SARDH: variants seen among roughly 807,000 people sequenced by gnomAD.
The protein encoded by SARDH is sarcosine dehydrogenase.
SARDH carries 95 observed loss-of-function variants against 109.1 expected under a neutral mutation model. That is an observed-to-expected ratio of 0.87 (90% CI 0.74 to 1.03). The LOEUF (loss-of-function observed/expected upper bound fraction) is 1.03, where lower values mean the gene tolerates loss of function less well. Ranked by LOEUF, SARDH falls within the 50% of genes least tolerant of loss-of-function variation. The pLI, the probability that SARDH is intolerant of heterozygous loss-of-function variation, is 0.00. For missense variants in SARDH, 1,267 were observed against 1,287.8 expected, an observed-to-expected ratio of 0.98 and a Z score of 0.25; for synonymous variants, 572 against 534.8, an observed-to-expected ratio of 1.07 and a Z score of -0.96.
chr9:133,717,296 G>A (rs1208637652), intron 8 of SARDH, 30 bp downstream of exon 8: 12 of 1,612,078 alleles, frequency 7.4e-6, no homozygotes, highest in South Asian at 1.1e-5. Context: ...ACCCATGGAC[G>A]CCCACCCCAG....
intron 7 of SARDH, 127 bp from the exon 8 acceptor site, chr9:133,717,582 G>T: frequency 7.4e-7 from 1 of 1,358,462 alleles, no homozygotes; most frequent in Non-Finnish European, 1.0e-6. Flanking sequence ...AGGGCTGGTG[G>T]TCACCCACAC....
intron 17 of SARDH, among the ~76,000 whole-genome samples, chr9:133,684,286 C>T (rs1588398779): frequency 6.6e-6 from 1 of 152,234 alleles, no homozygotes; most frequent in African/African-American, 2.4e-5. Context: ...AGGGCCCTCA[C>T]AGCAGAGAGG....
rs750467189 is a variant in SARDH at position 133,685,200 on chromosome 9, C to G, written c.2156G>C (p.Gly719Ala). 2.5e-6 allele frequency: 4 copies of G among 1,613,838 alleles called. No homozygotes were observed. Among genetic ancestry groups the G allele is most frequent in the Non-Finnish European group, 3.4e-6 (4 of 1,179,886 alleles). ...FSTHKLLRAA[G>A]HLVRAMRLSF... ...TGGCCAGCTGGAACCTACCAGGTGC[C>G]CTGCGGCTCTCAGTAGCTTGTGGGT... is the stretch of plus-strand genomic sequence containing the variant. Residue 719 changes from glycine to alanine, a missense_variant, in exon 17 of 21, where the codon GGG becomes GCG. Transcript: ENST00000439388.
In SARDH at chr9:133,666,783, G is replaced by A. The variant is rs372772543; in HGVS notation, c.2583C>T (p.Ile861=). The part of the protein sequence containing the change: ...HVRRADFGFA[I]DKTIAYGYIH... ...TGTAACCGTAGGCGATGGTCTTGTC[G>A]ATGGCGAACCCAAAGTCAGCCCTCC... Residue 861 remains isoleucine, a synonymous_variant, in exon 20 of 21, where the codon ATC becomes ATT. Transcript: ENST00000439388. The surrounding 1 kb of genome is among the most constrained non-coding windows in gnomAD (Gnocchi z 5.2). 11 of 1,603,462 alleles carry A rather than the reference G, an allele frequency of 6.9e-6. No homozygotes were observed. The highest frequency in any genetic ancestry group is 2.7e-5 in the African/African-American group (2 of 74,756).
intron 16 of SARDH, among the ~76,000 whole-genome samples, chr9:133,685,870 A>G (rs1468944700): frequency 6.6e-6 from 1 of 151,968 alleles, no homozygotes; most frequent in African/African-American, 2.4e-5. Context: ...CCCAGACACC[A>G]CCCCGCTCTG....
Position 133,663,672 on chromosome 9 carries a change from T to G in SARDH, c.*217A>C. 7 of 603,048 alleles carry G rather than the reference T, an allele frequency of 1.2e-5. No individual in the cohort carries two copies. Among genetic ancestry groups the G allele is most frequent in the East Asian group, 8.5e-5 (3 of 35,500 alleles). 37.4% of individuals were successfully genotyped at this position (603,048 alleles called of 1,614,324 possible). ...CTTACAGGTTTGCTTTCTGGGAGGA[T>G]TGGGGTGGATTAGAGACTGCCTTCC... On this transcript the variant is annotated 3_prime_UTR_variant, in exon 21 of 21. Coordinates refer to ENST00000439388, the MANE Select transcript of SARDH (RefSeq NM_001134707.2).
chr9:133,679,515 C>T (rs551005431), intron 17 of SARDH, among the ~76,000 whole-genome samples: 4 of 152,358 alleles, frequency 2.6e-5, no homozygotes, highest in African/African-American at 7.2e-5. Flanking sequence ...CATGCTGCTT[C>T]GCGGCGGGGC....
chr9:133,676,054 G>A (rs1830499582), intron 17 of SARDH, among the ~76,000 whole-genome samples: 1 of 151,854 alleles, frequency 6.6e-6, no homozygotes, highest in South Asian at 2.1e-4. Context: ...TCGCACCGCT[G>A]CACTCCAGCC....
intron 10 of SARDH, among the ~76,000 whole-genome samples, chr9:133,708,997 G>A (rs1485991376): frequency 6.6e-6 from 1 of 152,160 alleles, no homozygotes; most frequent in Non-Finnish European, 1.5e-5. Flanking sequence ...TGATCCCAAA[G>A]CTGGGCCTCG....
chr9:133,711,188 G>A (rs959016635), intron 10 of SARDH, among the ~76,000 whole-genome samples: 3 of 152,262 alleles, frequency 2.0e-5, no homozygotes, highest in Non-Finnish European at 2.9e-5. Context: ...TAGGCCCCAG[G>A]TCAGGAGCTG....
At position 133,709,497 on chromosome 9, in the gene SARDH, C is replaced by T. The variant is rs1588432242; in HGVS notation, c.1329-1069G>A. ...TCACGCTCCACCTGCTAGAACCTCA[C>T]TCATCACTCAAGGCTGCCTCAGCAG... On this transcript the variant is annotated intron_variant, in intron 10 of 20. Transcript: ENST00000439388. This position sits in a 1 kb window ranked among gnomAD's most constrained non-coding sequence, Gnocchi z 4.2. Among the ~76,000 whole-genome samples, 1 of 152,306 alleles carries T rather than the reference C, an allele frequency of 6.6e-6. No homozygotes were observed.
In SARDH at chr9:133,690,456, G is replaced by A; in HGVS notation, c.1993C>T (p.Gln665Ter). 1.9e-6 allele frequency: 3 copies of A among 1,612,736 alleles called. No individual in the cohort carries two copies. The highest frequency in any genetic ancestry group is 2.5e-6 in the Non-Finnish European group (3 of 1,179,926). The change falls in exon 16 of 21, where the codon CAG (glutamine) becomes TAG (stop). Residue 665 changes from glutamine (Q) to a stop codon, truncating the protein, a stop_gained. Coordinates refer to ENST00000439388, the MANE Select transcript of SARDH (RefSeq NM_001134707.2). LOFTEE classifies it high-confidence loss of function. ...AGCTGGCACTGGGACTTCTGGTCCT[G>A]CAGCACGGTGGTGATGTGGGACCAG... The part of the protein sequence containing the change: ...HNWSHITTVL[Q>*]DQKSQCQLID...
intron 13 of SARDH, among the ~76,000 whole-genome samples, chr9:133,699,033 T>TA (rs1257375128): frequency 2.6e-5 from 4 of 152,124 alleles, no homozygotes; most frequent in African/African-American, 7.2e-5. Flanking sequence ...AACTAAACTA[T>TA]AAAAAAATTT....
Position 133,732,541 on chromosome 9 carries a change from C to A in SARDH, c.392G>T (p.Arg131Leu), listed in dbSNP as rs199762648. 1.9e-6 allele frequency: 3 copies of A among 1,613,762 alleles called. No homozygotes were observed. The highest frequency in any genetic ancestry group is 2.5e-6 in the Non-Finnish European group (3 of 1,179,904). Reference sequence around the variant, plus strand: ...CTCCTCCAGCTCCCGGCTCACCACCCGCCGAGTGTGGGCCAGAAGCTCCAC... The same window carrying A: ...CTCCTCCAGCTCCCGGCTCACCACCAGCCGAGTGTGGGCCAGAAGCTCCAC... Reference protein sequence around the residue: ...VEVELLAHTRRVVSRELEEET... With the variant: ...VEVELLAHTRLVVSRELEEET... Residue 131 changes from arginine to leucine, a missense_variant, in exon 3 of 21, where the codon CGG becomes CTG. By Grantham distance (102) the Arg-to-Leu change is moderately radical (BLOSUM62 -2). Transcript: ENST00000439388.
chr9:133,682,321 C>T (rs1048977469), intron 17 of SARDH, among the ~76,000 whole-genome samples: 1 of 152,206 alleles, frequency 6.6e-6, no homozygotes, highest in Non-Finnish European at 1.5e-5. Context: ...GTACAGACTG[C>T]ATGGGATGCC....
chr9:133,677,025 G>A (rs1830537047), intron 17 of SARDH, among the ~76,000 whole-genome samples: 2 of 152,082 alleles, frequency 1.3e-5, no homozygotes, highest in African/African-American at 4.8e-5. Context: ...TTTAGTCCCA[G>A]CTACTTGGGA....
rs780980709 is a variant in SARDH at position 133,690,329 on chromosome 9, TG to T, written c.2069+50del. 3 of 1,583,866 alleles carry T rather than the reference TG, an allele frequency of 1.9e-6. No individual in the cohort carries two copies. In the African/African-American group the frequency reaches 4.0e-5, roughly 21 times the overall value. On this transcript the variant is annotated intron_variant, in intron 16 of 20. Coordinates refer to ENST00000439388, the MANE Select transcript of SARDH (RefSeq NM_001134707.2). ...CTGCCCAAGGGCCTGTTGGAGGACC[TG>T]GGTCCAGGCAGCAGGTGCACCCAGG... is the stretch of plus-strand genomic sequence containing the variant.
chr9:133,733,119 C>T (rs1052199612), intron 2 of SARDH, among the ~76,000 whole-genome samples: 7 of 152,186 alleles, frequency 4.6e-5, no homozygotes, highest in Non-Finnish European at 1.0e-4. Context: ...CTATGACAGC[C>T]CAGCTAGGGG....
At chr9:133,662,773 C>T (rs1829926856), downstream of SARDH, among the ~76,000 whole-genome samples, 1 of 152,214 alleles carries the variant, frequency 6.6e-6, no homozygotes, top group African/African-American at 2.4e-5. The surrounding 1 kb of genome is among the most constrained non-coding windows in gnomAD (Gnocchi z 5.1). Flanking sequence ...AAGCATCTGC[C>T]TCCCGCTCTT....
Sources: allele counts gnomAD v4.1 joint callset (sites outside exome capture counted in the v4.1 genomes callset), GRCh38; gene constraint gnomAD v4.1.1; non-coding constraint Gnocchi (gnomAD v3.1); transcripts MANE v1.5; gene names NCBI Gene and HGNC (gene_info 2026-07-23, HGNC 2026-07-21).